PLXNA4: variants seen among roughly 807,000 people sequenced by gnomAD.
PLXNA4 encodes the protein plexin-A4.
In PLXNA4, 44 loss-of-function variants were observed where a neutral mutation model predicts 191.8. The ratio of observed to expected loss-of-function variants is 0.23; its 90% CI spans 0.18 to 0.29. PLXNA4 has a LOEUF of 0.29. Ranked by LOEUF, PLXNA4 falls within the 10% of genes least tolerant of loss-of-function variation. The pLI, the probability that PLXNA4 is intolerant of heterozygous loss-of-function variation, is 1.00. For missense variants in PLXNA4, 1,800 were observed against 2,488.8 expected, an observed-to-expected ratio of 0.72 and a Z score of 5.89; for synonymous variants, 1,082 against 1,009.5, an observed-to-expected ratio of 1.07 and a Z score of -1.36.
chr7:132,591,884 C>T (rs903102622), intron 2 of PLXNA4, among the ~76,000 whole-genome samples: 24 of 152,124 alleles, frequency 1.6e-4, no homozygotes, highest in Non-Finnish European at 2.2e-4. Context: ...GGATTACAGG[C>T]GCTGCATCCT....
rs1796672150 is a variant in PLXNA4, at chr7:132,180,583, C to T, written c.3639+3G>A. The T allele has an allele frequency of 2.5e-6, 4 of 1,614,196 alleles. No homozygotes were observed. The East Asian group carries it at 8.9e-5, about 36-fold the overall frequency. On this transcript the variant is annotated splice_donor_region_variant and intron_variant, in intron 19 of 31. Coordinates refer to ENST00000321063, the MANE Select transcript of PLXNA4 (RefSeq NM_020911.2). ...ATCCAGGATGGGGTTCTGCCAGCCT[C>T]ACCATCACTTTGTGCCTGCCGATGA...
intron 3 of PLXNA4, among the ~76,000 whole-genome samples, chr7:132,371,973 T>A (rs1342854930): frequency 2.0e-5 from 3 of 152,230 alleles, no homozygotes; most frequent in Non-Finnish European, 2.9e-5. Flanking sequence ...CTTTTGATTA[T>A]CTGTGCCACT....
chr7:132,444,038 T>G (rs1795798523), intron 3 of PLXNA4, among the ~76,000 whole-genome samples: 1 of 152,236 alleles, frequency 6.6e-6, no homozygotes, highest in African/African-American at 2.4e-5. Context: ...GCTTAGAAAC[T>G]AAGCCTGATT....
Position 132,125,928 on chromosome 7 carries a change from C to G in PLXNA4, c.*4551G>C, listed in dbSNP as rs1475552015. ...GGGAAGTTCCCGGAGAGGGGCTTCT[C>G]TGGGCCTTGTGCCTGCAGAGCACCT... is the stretch of plus-strand genomic sequence containing the variant. On this transcript the variant is annotated 3_prime_UTR_variant, in exon 32 of 32. Transcript: ENST00000321063. 6.6e-6 allele frequency: 1 copy of G among 152,366 alleles called. No individual in the cohort carries two copies. The highest frequency in any genetic ancestry group is 1.5e-5 in the Non-Finnish European group (1 of 68,230). 9.4% of individuals were successfully genotyped at this position (152,366 alleles called of 1,614,324 possible).
At chr7:132,253,232 CTTTTTTTTTTTTTT>C (rs56010775) in intron 4 of PLXNA4, among the ~76,000 whole-genome samples, 1 of 134,448 alleles carries the variant, frequency 7.4e-6, no homozygotes, top group Non-Finnish European at 1.6e-5. Flanking sequence ...TTTCTTTTTT[CTTTTTTTTTTTTTT>C]TTTTTTTGAG....
At chr7:132,504,111 T>TC (rs1214336935) in intron 2 of PLXNA4, among the ~76,000 whole-genome samples, 3 of 152,214 alleles carry the variant, frequency 2.0e-5, no homozygotes, top group Non-Finnish European at 4.4e-5. Flanking sequence ...CAACCAGCCC[T>TC]CATCTCCAAT....
intron 1 of PLXNA4, among the ~76,000 whole-genome samples, chr7:132,554,146 C>T (rs1800687576): frequency 6.6e-6 from 1 of 152,186 alleles, no homozygotes; most frequent in Non-Finnish European, 1.5e-5. Context: ...TATCAGGACA[C>T]ACACTCAAGC....
chr7:132,217,948 G>T (rs1798020870), intron 9 of PLXNA4, among the ~76,000 whole-genome samples: 1 of 141,888 alleles, frequency 7.0e-6, no homozygotes, highest in Non-Finnish European at 1.5e-5. Flanking sequence ...TGAAAGGCAT[G>T]GCAGGGGTGG....
At chr7:132,635,207 T>TATATATATATATATA (rs1803576455) in intron 2 of PLXNA4, among the ~76,000 whole-genome samples, 1 of 147,798 alleles carries the variant, frequency 6.8e-6, no homozygotes, top group Non-Finnish European at 1.5e-5. Context: ...TATATACGTA[T>TATATATATATATATA]CCTATTAGTT....
chr7:132,176,057 T>A (rs1796445837), intron 20 of PLXNA4, among the ~76,000 whole-genome samples: 1 of 152,184 alleles, frequency 6.6e-6, no homozygotes, highest in South Asian at 2.1e-4. Flanking sequence ...CCCTAGGAAC[T>A]GTCTGCAGGG....
chr7:132,255,659 A>G (rs1799406433), intron 4 of PLXNA4, among the ~76,000 whole-genome samples: 2 of 152,182 alleles, frequency 1.3e-5, no homozygotes, highest in Non-Finnish European at 1.5e-5. Context: ...TCTTATTCCT[A>G]ACCTGACCAC....
At chr7:132,230,582 G>A (rs931468137) in intron 5 of PLXNA4, among the ~76,000 whole-genome samples, 3 of 152,298 alleles carry the variant, frequency 2.0e-5, no homozygotes, top group East Asian at 1.9e-4. Flanking sequence ...CAACAAGAGC[G>A]TCTGCCTAAA....
chr7:132,151,412 G>GAGGAGGAGGAGGAGAA lies in PLXNA4; in HGVS notation c.4661-2767_4661-2766insTTCTCCTCCTCCTCCT, dbSNP rs1795618261. 2.7e-3 allele frequency among the ~76,000 whole-genome samples: 14 copies of GAGGAGGAGGAGGAGAA among 5,266 alleles called. 4 individuals are homozygous for GAGGAGGAGGAGGAGAA. Among genetic ancestry groups the GAGGAGGAGGAGGAGAA allele is most frequent in the African/African-American group, 0.016 (13 of 818 alleles). 3.5% of individuals were successfully genotyped at this position (5,266 alleles called of 152,430 possible). A position where few individuals can be genotyped will look rare whatever the true frequency, so the allele number is the denominator to read the frequency against. On this transcript the variant is annotated intron_variant, in intron 25 of 31. Transcript: ENST00000321063. The stretch of plus-strand genomic sequence containing the variant: ...AGAAAGGAGGAGGAGGAGGAGGAAG[G>GAGGAGGAGGAGGAGAA]AGGAGGAGGAGGAGGAGGAAGGAGG...
At chr7:132,153,425 T>C (rs948822174) in intron 25 of PLXNA4, among the ~76,000 whole-genome samples, 3 of 152,048 alleles carry the variant, frequency 2.0e-5, no homozygotes, top group African/African-American at 4.8e-5. Context: ...GCATGAGCCC[T>C]GTCGGGATGG....
intron 3 of PLXNA4, among the ~76,000 whole-genome samples, chr7:132,407,146 C>T (rs1221185911): frequency 6.6e-6 from 1 of 152,174 alleles, no homozygotes; most frequent in Admixed American, 6.5e-5. Flanking sequence ...GGTAGTCCTG[C>T]CTGACAGACT....
intron 2 of PLXNA4, among the ~76,000 whole-genome samples, chr7:132,630,479 T>C (rs1803472907): frequency 6.6e-6 from 1 of 152,184 alleles, no homozygotes; most frequent in Admixed American, 6.5e-5. Flanking sequence ...TCCTCAATTT[T>C]GTAAACATTG....
At chr7:132,489,250 A>T (rs1027558337) in intron 3 of PLXNA4, 42 bp downstream of exon 3, 1 of 1,541,032 alleles carries the variant, frequency 6.5e-7, no homozygotes. Flanking sequence ...GGAGGGACAG[A>T]CTGTCTTCAC....
At chr7:132,454,747 A>G (rs1303733559) in intron 3 of PLXNA4, among the ~76,000 whole-genome samples, 2 of 151,938 alleles carry the variant, frequency 1.3e-5, no homozygotes, top group Non-Finnish European at 2.9e-5. Context: ...TACAGAGGAA[A>G]GGCCATGTGA....
At chr7:132,202,549 G>A (rs1797473456) in intron 12 of PLXNA4, 97 bp downstream of exon 12, 1 of 1,295,446 alleles carries the variant, frequency 7.7e-7, no homozygotes, top group African/African-American at 1.5e-5. Context: ...AGTGACTACT[G>A]GGTGACCGAC....
Sources: gnomAD v4.1 joint callset for allele counts (sites outside exome capture counted in the v4.1 genomes callset) on GRCh38, gnomAD v4.1.1 for gene constraint, MANE v1.5 for transcripts, NCBI Gene and HGNC (gene_info 2026-07-23, HGNC 2026-07-21) for gene names.